SNTB2: variants seen among roughly 807,000 people sequenced by gnomAD.
SNTB2 encodes the protein beta-2-syntrophin.
In SNTB2, 34 loss-of-function variants were observed where a neutral mutation model predicts 46.2. The observed-to-expected ratio is 0.74, with a 90% CI of 0.56 to 0.98. SNTB2 has a LOEUF of 0.98. Among genes scored for constraint, SNTB2 ranks in the 50% least tolerant of loss-of-function variants. SNTB2 has a pLI of 0.00. For synonymous variants in SNTB2, 290 were observed against 312.6 expected, an observed-to-expected ratio of 0.93 and a Z score of 0.76; for missense variants, 603 against 731.4, an observed-to-expected ratio of 0.82 and a Z score of 2.02.
chr16:69,201,712 G>A (rs1964162671), intron 1 of SNTB2, among the ~76,000 whole-genome samples: 1 of 152,150 alleles, frequency 6.6e-6, no homozygotes, highest in Non-Finnish European at 1.5e-5. Context: ...AAATGTTTGA[G>A]AAATTATTCT....
intron 1 of SNTB2, among the ~76,000 whole-genome samples, chr16:69,230,232 T>C (rs1964494441): frequency 6.6e-6 from 1 of 152,236 alleles, no homozygotes; most frequent in Non-Finnish European, 1.5e-5. Flanking sequence ...TATTAGCAAA[T>C]TGGCATATTT....
At chr16:69,229,151 AT>A (rs987635110) in intron 1 of SNTB2, among the ~76,000 whole-genome samples, 2 of 152,042 alleles carry the variant, frequency 1.3e-5, no homozygotes, top group African/African-American at 4.8e-5. Flanking sequence ...TTTTCTAATA[AT>A]TTTTTTCATT....
rs1965173383 is a variant in SNTB2, at chr16:69,292,385, ATATATTATATAT to A, written c.1346-7204_1346-7193del. ...ATATATATATATATATATATTATAT[ATATATTATATAT>A]ATATATATATTATATATATATTATA... On this transcript the variant is annotated intron_variant, in intron 5 of 6. Coordinates refer to ENST00000336278, the MANE Select transcript of SNTB2 (RefSeq NM_006750.4). Among the ~76,000 whole-genome samples, 8 of 16,056 alleles carry A rather than the reference ATATATTATATAT, an allele frequency of 5.0e-4. 2 individuals are homozygous for A. Among genetic ancestry groups the A allele is most frequent in the South Asian group, 3.5e-3 (1 of 286 alleles). 10.5% of individuals were successfully genotyped at this position (16,056 alleles called of 152,430 possible).
chr16:69,273,202 C>T (rs1434040532), intron 4 of SNTB2, among the ~76,000 whole-genome samples: 1 of 152,190 alleles, frequency 6.6e-6, no homozygotes, highest in African/African-American at 2.4e-5. Flanking sequence ...AACATAGAGT[C>T]ACCCTGTGAC....
intron 1 of SNTB2, among the ~76,000 whole-genome samples, chr16:69,237,603 C>CTTTCT (rs764253701): frequency 6.0e-4 from 71 of 118,734 alleles, no homozygotes; most frequent in African/African-American, 2.2e-3. Context: ...TTCTTTCTTT[C>CTTTCT]TTTTTTTTTT....
At chr16:69,261,086 G>A (rs1964829962) in intron 3 of SNTB2, among the ~76,000 whole-genome samples, 1 of 151,068 alleles carries the variant, frequency 6.6e-6, no homozygotes, top group Non-Finnish European at 1.5e-5. Flanking sequence ...GTTCAGAGAT[G>A]AGTGTTTAAG....
chr16:69,274,050 A>G (rs1440727123), intron 4 of SNTB2, among the ~76,000 whole-genome samples: 1 of 152,202 alleles, frequency 6.6e-6, no homozygotes, highest in Non-Finnish European at 1.5e-5. Context: ...GCAGTGGTTC[A>G]CGCCTATAAT....
Position 69,270,167 on chromosome 16 carries a change from C to T in SNTB2, c.1030C>T (p.Gln344Ter). 1 of 1,614,072 alleles carries T rather than the reference C, an allele frequency of 6.2e-7. No individual in the cohort carries two copies. The highest frequency in any genetic ancestry group is 8.5e-7 in the Non-Finnish European group (1 of 1,180,018). ...EQAKLDGGRQ[Q>*]WRPVLMAVTE... ...GGCAAAACTAGATGGTGGAAGACAG[C>T]AATGGAGACCTGTCCTCATGGCTGT... The change falls in exon 4 of 7, where the codon CAA becomes TAA. Residue 344 changes from glutamine (Q) to a stop codon, truncating the protein, a stop_gained. Transcript: ENST00000336278. LOFTEE classifies it high-confidence loss of function.
chr16:69,190,363 G>A lies in SNTB2; in HGVS notation c.580+2617G>A, dbSNP rs141641489. ...TGGTTGCCTGTGGTTAAGGAATTGA[G>A]TTAAAAGTTTCCTTTTTATCTCAGG... is the stretch of plus-strand genomic sequence containing the variant. On this transcript the variant is annotated intron_variant, in intron 1 of 6. Transcript: ENST00000336278. Among the ~76,000 whole-genome samples, 788 of 152,262 alleles carry A rather than the reference G, an allele frequency of 5.2e-3. 3 individuals are homozygous for A. Among genetic ancestry groups the A allele is most frequent in the African/African-American group, 0.017 (698 of 41,538 alleles).
intron 1 of SNTB2, among the ~76,000 whole-genome samples, chr16:69,189,367 C>A (rs1964026637): frequency 6.6e-6 from 1 of 152,136 alleles, no homozygotes; most frequent in South Asian, 2.1e-4. Context: ...TAAATTCTTA[C>A]ATCCAGAATA....
rs925444557 is a variant in SNTB2, at chr16:69,219,972, G to T, written c.581-25630G>T. Reference sequence around the variant, plus strand: ...TCACCATGTTGGCCAGGATGGTCTTGATCTCCTGACCTCATGATCTGCCTG... The same window carrying T: ...TCACCATGTTGGCCAGGATGGTCTTTATCTCCTGACCTCATGATCTGCCTG... On this transcript the variant is annotated intron_variant, in intron 1 of 6. Transcript: ENST00000336278. Among the ~76,000 whole-genome samples, 5 of 151,946 alleles carry T rather than the reference G, an allele frequency of 3.3e-5. No homozygotes were observed. The South Asian group carries it at 8.3e-4, about 25-fold the overall frequency.
chr16:69,266,268 G>C (rs935848867), intron 3 of SNTB2, among the ~76,000 whole-genome samples: 1 of 152,204 alleles, frequency 6.6e-6, no homozygotes, highest in African/African-American at 2.4e-5. Context: ...AGAGGGTTAG[G>C]CAGGAGAATC....
At position 69,277,781 on chromosome 16, in the gene SNTB2, A is replaced by T. The variant is rs185143565; in HGVS notation, c.1149-6267A>T. 4.1e-3 allele frequency among the ~76,000 whole-genome samples: 619 copies of T among 152,358 alleles called. 1 individual carries two copies. The highest frequency in any genetic ancestry group is 6.8e-3 in the Middle Eastern group (2 of 294). ...GATGTACATTCCTCACCAAATTTTT[A>T]AAAATCCTGTATAGAAAACATTGTG... On this transcript the variant is annotated intron_variant, in intron 4 of 6. Coordinates refer to ENST00000336278, the MANE Select transcript of SNTB2 (RefSeq NM_006750.4).
chr16:69,201,211 T>C (rs1964158021), intron 1 of SNTB2, among the ~76,000 whole-genome samples: 1 of 152,216 alleles, frequency 6.6e-6, no homozygotes, highest in African/African-American at 2.4e-5. Flanking sequence ...ATGGCTTCTT[T>C]ACCTTTTATT....
intron 1 of SNTB2, among the ~76,000 whole-genome samples, chr16:69,210,048 G>T (rs1325973221): frequency 1.5e-5 from 2 of 137,220 alleles, no homozygotes; most frequent in East Asian, 4.2e-4. Context: ...TTTTTTAGAC[G>T]GAGTTTTGCT....
intron 4 of SNTB2, 52 bp from the exon 5 acceptor site, chr16:69,283,996 T>G (rs1965075358): frequency 6.8e-7 from 1 of 1,480,814 alleles, no homozygotes; most frequent in Non-Finnish European, 9.1e-7. Context: ...TTCCTGACAT[T>G]TTTGTCTGAT....
intron 1 of SNTB2, among the ~76,000 whole-genome samples, chr16:69,225,390 A>G (rs1027440850): frequency 1.3e-5 from 2 of 152,264 alleles, no homozygotes; most frequent in Non-Finnish European, 2.9e-5. Flanking sequence ...TTAGCAACAA[A>G]AATACGGATA....
chr16:69,281,084 C>T (rs1359424194), intron 4 of SNTB2, among the ~76,000 whole-genome samples: 1 of 152,144 alleles, frequency 6.6e-6, no homozygotes, highest in Non-Finnish European at 1.5e-5. Context: ...CATGAGCCAC[C>T]GCGCCCGGCC....
At chr16:69,209,726 T>A (rs1411027472) in intron 1 of SNTB2, among the ~76,000 whole-genome samples, 1 of 152,232 alleles carries the variant, frequency 6.6e-6, no homozygotes, top group Non-Finnish European at 1.5e-5. Flanking sequence ...ATGTTTTTGT[T>A]GAATGAGTTA....
Sources: gnomAD v4.1 joint callset for allele counts (sites outside exome capture counted in the v4.1 genomes callset) on GRCh38, gnomAD v4.1.1 for gene constraint, MANE v1.5 for transcripts, NCBI Gene and HGNC (gene_info 2026-07-23, HGNC 2026-07-21) for gene names.